CDH3: variants seen among roughly 807,000 people sequenced by gnomAD.
CDH3 encodes the protein cadherin-3.
A neutral mutation model predicts 82.0 loss-of-function variants in CDH3; 54 were observed. That is an observed-to-expected ratio of 0.66 (90% CI 0.53 to 0.83). The LOEUF (loss-of-function observed/expected upper bound fraction) is 0.83, where lower values mean the gene tolerates loss of function less well. CDH3 is among the 40% of genes least tolerant of loss of function. The pLI is 0.00. For missense variants in CDH3, 1,054 were observed against 1,084.6 expected (o/e 0.97, Z 0.40); for synonymous variants, 446 against 437.9 (o/e 1.02, Z -0.23).
At chr16:68,686,969 A>C (rs1300339222) in intron 11 of CDH3, among the ~76,000 whole-genome samples, 1 of 152,198 alleles carries the variant, frequency 6.6e-6, no homozygotes, top group African/African-American at 2.4e-5. Context: ...CTCTCAAATA[A>C]GTAAATAAAA....
rs1438540283 is a variant in CDH3 at position 68,678,806 on chromosome 16, C to A, written c.591C>A (p.Asp197Glu). Residue 197 changes from aspartate (D) to glutamate (E), a missense_variant, in exon 6 of 16, where the codon GAC (aspartate) becomes GAA (glutamate). Asp to Glu is a conservative substitution (Grantham distance 45, BLOSUM62 2). Transcript: ENST00000264012. Reference sequence around the variant, plus strand: ...CAGAGAATGGTGCCTCAGTGGAGGACCCCATGAACATCTCCATCATCGTGA... The same window carrying A: ...CAGAGAATGGTGCCTCAGTGGAGGAACCCATGAACATCTCCATCATCGTGA... ...AVSENGASVE[D>E]PMNISIIVTD... is the part of the protein sequence containing the mutation. The A allele has an allele frequency of 6.2e-7, 1 of 1,613,952 alleles. No homozygotes were observed. The highest frequency in any genetic ancestry group is 8.5e-7 in the Non-Finnish European group (1 of 1,179,966).
rs758933636 is a variant in CDH3 at position 68,696,041 on chromosome 16, C to A, written c.2280+118C>A. ...TGGGTTCAAATTCTGACTCCACCACCAACCAGCTTTTGACCTCTGGCTTAT... is the reference window on the plus strand; with the variant it reads ...TGGGTTCAAATTCTGACTCCACCACAAACCAGCTTTTGACCTCTGGCTTAT... On this transcript the variant is annotated intron_variant, in intron 15 of 15. Transcript: ENST00000264012. 5.6e-6 allele frequency: 6 copies of A among 1,068,836 alleles called. No individual in the cohort carries two copies. The South Asian group carries it at 6.7e-5, about 12-fold the overall frequency. 66.2% of individuals were successfully genotyped at this position (1,068,836 alleles called of 1,614,324 possible). A position where few individuals can be genotyped will look rare whatever the true frequency, so the allele number is the denominator to read the frequency against.
Position 68,693,300 on chromosome 16 carries a change from C to T in CDH3, c.2002+1374C>T, listed in dbSNP as rs79514139. 8.1e-3 allele frequency among the ~76,000 whole-genome samples: 1,227 copies of T among 151,256 alleles called. 19 individuals are homozygous for T. Among genetic ancestry groups the T allele is most frequent in the African/African-American group, 0.028 (1,167 of 41,186 alleles). On this transcript the variant is annotated intron_variant, in intron 13 of 15. Coordinates refer to ENST00000264012, the MANE Select transcript of CDH3 (RefSeq NM_001793.6). ...TCCTGCTGAGCAGACTATATGGGGG[C>T]GAAGGTGGAGGCAGGGAGACCATCT...
chr16:68,661,378 A>G (rs140944213), intron 2 of CDH3, among the ~76,000 whole-genome samples: 6 of 152,338 alleles, frequency 3.9e-5, no homozygotes, highest in African/African-American at 1.2e-4. Flanking sequence ...TAAAATGAAT[A>G]TAATAATGGG....
Position 68,681,114 on chromosome 16 carries a change from C to T in CDH3, c.996+18C>T, listed in dbSNP as rs780915836. Reference sequence around the variant, plus strand: ...CCCAGAAGGTAATGCCCCTTCCTCACTCAGTCCCTCATCAGATAATGAAGG... The same window carrying T: ...CCCAGAAGGTAATGCCCCTTCCTCATTCAGTCCCTCATCAGATAATGAAGG... On this transcript the variant is annotated intron_variant, in intron 8 of 15. Transcript: ENST00000264012. The T allele has an allele frequency of 5.0e-6, 8 of 1,613,614 alleles. No homozygotes were observed. The South Asian group carries it at 8.8e-5, about 18-fold the overall frequency.
intron 2 of CDH3, among the ~76,000 whole-genome samples, chr16:68,669,930 G>A (rs927576113): frequency 6.6e-6 from 1 of 151,918 alleles, no homozygotes; most frequent in Non-Finnish European, 1.5e-5. Flanking sequence ...ACCAGCCTGG[G>A]AAACAGCAAG....
rs895833305 is a variant in CDH3 at position 68,657,743 on chromosome 16, G to A, written c.160+11993G>A. On this transcript the variant is annotated intron_variant, in intron 2 of 15. Coordinates refer to ENST00000264012, the MANE Select transcript of CDH3 (RefSeq NM_001793.6). ...CTCTGAGGCATCTTAGGGCTAAATG[G>A]GGAGATGGGGAATGGGGAGGTATAA... Among the ~76,000 whole-genome samples, 3 of 152,186 alleles carry A rather than the reference G, an allele frequency of 2.0e-5. No individual in the cohort carries two copies. In the South Asian group the frequency reaches 6.2e-4, roughly 32 times the overall value.
At chr16:68,663,678 G>T (rs1268536707) in intron 2 of CDH3, among the ~76,000 whole-genome samples, 1 of 152,058 alleles carries the variant, frequency 6.6e-6, no homozygotes, top group Non-Finnish European at 1.5e-5. Context: ...AGATGGAAGG[G>T]GCCTAAGTCT....
At chr16:68,686,876 G>T (rs940208622) in intron 11 of CDH3, among the ~76,000 whole-genome samples, 6 of 152,146 alleles carry the variant, frequency 3.9e-5, no homozygotes, top group African/African-American at 1.4e-4. Context: ...GCTGAGGCAC[G>T]AGAATCACCT....
At chr16:68,723,330 C>T (rs1962184539) in intron 2 of CDH3, among the ~76,000 whole-genome samples, 1 of 151,862 alleles carries the variant, frequency 6.6e-6, no homozygotes, top group Admixed American at 6.6e-5. Context: ...ATCTTCTGTA[C>T]TTTGTCTGGA....
chr16:68,680,081 A>T, intron 7 of CDH3, 107 bp downstream of exon 7: 1 of 1,096,964 alleles, frequency 9.1e-7, no homozygotes. Context: ...AAGGCAGAAC[A>T]GTGAGGACCC....
intron 3 of CDH3, among the ~76,000 whole-genome samples, chr16:68,676,953 C>T (rs1486664555): frequency 6.6e-6 from 1 of 152,122 alleles, no homozygotes; most frequent in African/African-American, 2.4e-5. Context: ...AATAAATAAT[C>T]TCCCCTTGTT....
Position 68,685,251 on chromosome 16 carries a change from G to C in CDH3, c.1471G>C (p.Asp491His). The C allele has an allele frequency of 6.2e-7, 1 of 1,614,170 alleles. No individual in the cohort carries two copies. The highest frequency in any genetic ancestry group is 8.5e-7 in the Non-Finnish European group (1 of 1,180,028). ...DPAGWLAMDP[D>H]SGQVTAVGTL... ...AGCAGGGTGGCTAGCCATGGACCCAGACAGTGGGCAGGTCACAGCTGTGGG... is the reference window on the plus strand; with the variant it reads ...AGCAGGGTGGCTAGCCATGGACCCACACAGTGGGCAGGTCACAGCTGTGGG... Residue 491 changes from aspartate (D) to histidine (H), a missense_variant, in exon 11 of 16, where the codon GAC (aspartate) becomes CAC (histidine). By Grantham distance (81) the Asp-to-His change is moderately conservative. Transcript: ENST00000264012.
downstream of CDH3, among the ~76,000 whole-genome samples, chr16:68,729,650 C>T (rs1276958450): frequency 6.6e-6 from 1 of 152,030 alleles, no homozygotes; most frequent in Non-Finnish European, 1.5e-5. Flanking sequence ...TTTTATTTGT[C>T]TGAGACAGAG....
At chr16:68,674,681 G>T (rs1275729016) in intron 2 of CDH3, among the ~76,000 whole-genome samples, 1 of 152,138 alleles carries the variant, frequency 6.6e-6, no homozygotes, top group African/African-American at 2.4e-5. Flanking sequence ...GCTGTAGTGA[G>T]TTATGATTGC....
rs199570504 is a variant in CDH3 at position 68,685,184 on chromosome 16, G to A, written c.1425-21G>A. The A allele has an allele frequency of 5.5e-5, 88 of 1,613,482 alleles. No individual in the cohort carries two copies. The East Asian group carries it at 1.6e-3, about 29-fold the overall frequency. ...AATTCTAAATATTCTGGATGTACTC[G>A]TCTCAACTTTTCCTCTCCAGCTACC... is the stretch of plus-strand genomic sequence containing the variant. On this transcript the variant is annotated intron_variant, in intron 10 of 15. Transcript: ENST00000264012.
At position 68,698,333 on chromosome 16, in the gene CDH3, A is replaced by T. The variant is rs747630152; in HGVS notation, c.2423A>T (p.Tyr808Phe). ...SASDQDQDYD[Y>F]LNEWGSRFKK... is the part of the protein sequence containing the mutation. ...TCCGACCAAGACCAAGATTACGATT[A>T]TCTGAACGAGTGGGGCAGCCGCTTC... Residue 808 changes from tyrosine to phenylalanine, a missense_variant, in exon 16 of 16, where the codon TAT becomes TTT. Transcript: ENST00000264012. 6.2e-7 allele frequency: 1 copy of T among 1,614,204 alleles called. No individual in the cohort carries two copies. Among genetic ancestry groups the T allele is most frequent in the Non-Finnish European group, 8.5e-7 (1 of 1,180,012 alleles).
rs532947095 is a variant in CDH3 at position 68,678,533 on chromosome 16, T to C, written c.423T>C (p.Ile141=). The C allele has an allele frequency of 1.2e-6, 2 of 1,614,272 alleles. No individual in the cohort carries two copies. The highest frequency in any genetic ancestry group is 1.7e-6 in the Non-Finnish European group (2 of 1,180,044). ...LKSNKDRDTK[I]FYSITGPGAD... is the part of the protein sequence containing the mutation. ...CTAATAAAGATAGAGACACCAAGAT[T>C]TTCTACAGCATCACGGGGCCGGGGG... Residue 141 remains isoleucine (I), a synonymous_variant, in exon 5 of 16, where the codon ATT becomes ATC. Transcript: ENST00000264012.
chr16:68,670,574 A>G (rs1161067917), intron 2 of CDH3, among the ~76,000 whole-genome samples: 2 of 152,152 alleles, frequency 1.3e-5, no homozygotes, highest in Non-Finnish European at 2.9e-5. Context: ...TTCCCACCTC[A>G]GTTACCTAAG....
Sources: gnomAD v4.1 joint callset for allele counts (sites outside exome capture counted in the v4.1 genomes callset) on GRCh38, gnomAD v4.1.1 for gene constraint, MANE v1.5 for transcripts, NCBI Gene and HGNC (gene_info 2026-07-23, HGNC 2026-07-21) for gene names.